Variants in SEPTIN10 observed in about 807,000 individuals in gnomAD.
SEPTIN10 encodes the protein septin-10.
SEPTIN10 carries 66 observed loss-of-function variants against 54.8 expected under a neutral mutation model. The observed-to-expected ratio is 1.21, with a 90% CI of 0.99 to 1.48. The LOEUF (loss-of-function observed/expected upper bound fraction) is 1.48, where lower values mean the gene tolerates loss of function less well. SEPTIN10 is among the 40% of genes most tolerant of loss of function. SEPTIN10 has a pLI of 0.00. For missense variants in SEPTIN10, 620 were observed against 545.6 expected (o/e 1.14, Z -1.36); for synonymous variants, 161 against 181.0 (o/e 0.89, Z 0.89).
chr2:109,594,492 G>A (rs1431953734), intron 1 of SEPTIN10, among the ~76,000 whole-genome samples: 1 of 151,974 alleles, frequency 6.6e-6, no homozygotes, highest in African/African-American at 2.4e-5. Context: ...AATCTCTCCT[G>A]GAGACTGTTT....
intron 1 of SEPTIN10, among the ~76,000 whole-genome samples, chr2:109,595,872 TGAG>T (rs1393870984): frequency 6.6e-6 from 1 of 152,102 alleles, no homozygotes; most frequent in African/African-American, 2.4e-5. Context: ...TTAGACACAA[TGAG>T]GAGGAGGGTA....
chr2:109,568,507 G>A (rs1687608917), intron 5 of SEPTIN10, among the ~76,000 whole-genome samples: 1 of 151,848 alleles, frequency 6.6e-6, no homozygotes. Context: ...AAGTAGCTGG[G>A]ATTACAGGCA....
chr2:109,613,670 G>A (rs962998480), intron 1 of SEPTIN10, 128 bp downstream of exon 1: 7 of 604,728 alleles, frequency 1.2e-5, no homozygotes, highest in Admixed American at 9.4e-5. Flanking sequence ...GGAGCACTGG[G>A]CGGGCGGGGC....
Position 109,562,906 on chromosome 2 carries a change from CA to C in SEPTIN10, c.1028+1459del, listed in dbSNP as rs373938620. On this transcript the variant is annotated intron_variant, in intron 8 of 10. Transcript: ENST00000397712. ...TTGGTGAGGGTGGGTTAAGTACACA[CA>C]ATGCTTTTTTTTTTTTTCTTTGAGA... 5.8e-3 allele frequency among the ~76,000 whole-genome samples: 869 copies of C among 150,878 alleles called. 11 individuals carry two copies. The highest frequency in any genetic ancestry group is 0.057 in the South Asian group (273 of 4,770).
At chr2:109,551,821 GA>G (rs1205602539) in intron 9 of SEPTIN10, among the ~76,000 whole-genome samples, 1 of 152,142 alleles carries the variant, frequency 6.6e-6, no homozygotes, top group Non-Finnish European at 1.5e-5. Flanking sequence ...GTATTTTCAA[GA>G]AAATAGCTTT....
intron 4 of SEPTIN10, among the ~76,000 whole-genome samples, chr2:109,577,932 AAAG>A (rs1690110254): frequency 2.6e-5 from 4 of 151,484 alleles, no homozygotes; most frequent in Admixed American, 2.0e-4. Flanking sequence ...AAAAAAAAAA[AAAG>A]AGTTAATATA....
At chr2:109,612,722 C>T (rs573331038) in intron 1 of SEPTIN10, among the ~76,000 whole-genome samples, 1 of 152,322 alleles carries the variant, frequency 6.6e-6, no homozygotes, top group Admixed American at 6.5e-5. Context: ...CTCACTCACA[C>T]ATGCACACAA....
At chr2:109,545,851 T>A (rs1158722235) in intron 10 of SEPTIN10, 199 bp downstream of exon 10, 1 of 1,440,536 alleles carries the variant, frequency 6.9e-7, no homozygotes, top group Non-Finnish European at 9.1e-7. Context: ...ACACATAACA[T>A]GTGCCAGGTG....
intron 4 of SEPTIN10, among the ~76,000 whole-genome samples, chr2:109,582,624 A>G (rs1691476936): frequency 6.6e-6 from 1 of 152,166 alleles, no homozygotes; most frequent in African/African-American, 2.4e-5. Context: ...ACTGGCCTCA[A>G]TGCTATTTCT....
At chr2:109,602,277 T>A (rs1206583976) in intron 1 of SEPTIN10, among the ~76,000 whole-genome samples, 1 of 151,792 alleles carries the variant, frequency 6.6e-6, no homozygotes, top group Non-Finnish European at 1.5e-5. Context: ...AGAAACTGCA[T>A]GAACAGAAAG....
At chr2:109,545,565 C>G in intron 10 of SEPTIN10, 1 of 1,535,498 alleles carries the variant, frequency 6.5e-7, no homozygotes. Context: ...AAAATTCTCA[C>G]AAAATCAGTA....
chr2:109,613,612 G>C (rs1013353242), intron 1 of SEPTIN10, 186 bp downstream of exon 1: 3 of 328,754 alleles, frequency 9.1e-6, no homozygotes, highest in African/African-American at 2.2e-5. Flanking sequence ...CCCAGGCTCC[G>C]CAGAGGCTCC....
Position 109,544,193 on chromosome 2 carries a change from G to A in SEPTIN10, c.*116C>T. ...TCCATAAATATCAGTAACTGTGGCT[G>A]TTCACCAAATATAGAAGTGATAAAA... On this transcript the variant is annotated 3_prime_UTR_variant, in exon 11 of 11. Coordinates refer to ENST00000397712, the MANE Select transcript of SEPTIN10 (RefSeq NM_144710.5). The A allele has an allele frequency of 6.2e-7, 1 of 1,602,010 alleles. No individual in the cohort carries two copies. The highest frequency in any genetic ancestry group is 1.1e-5 in the South Asian group (1 of 90,286).
intron 9 of SEPTIN10, among the ~76,000 whole-genome samples, chr2:109,547,432 G>A (rs1017515550): frequency 2.0e-5 from 3 of 149,960 alleles, no homozygotes; most frequent in African/African-American, 7.4e-5. Context: ...AACCTATAGG[G>A]GTTATTCTTC....
At chr2:109,597,206 G>A (rs979774279) in intron 1 of SEPTIN10, among the ~76,000 whole-genome samples, 1 of 152,200 alleles carries the variant, frequency 6.6e-6, no homozygotes, top group Non-Finnish European at 1.5e-5. Flanking sequence ...CTCCCAAAGT[G>A]ATAGGATTAT....
intron 8 of SEPTIN10, among the ~76,000 whole-genome samples, chr2:109,559,723 T>A (rs1685183694): frequency 6.6e-6 from 1 of 152,136 alleles, no homozygotes; most frequent in Non-Finnish European, 1.5e-5. Flanking sequence ...GATGGGAACA[T>A]GACCTACATC....
At chr2:109,545,646 T>TC in intron 10 of SEPTIN10, 2 of 1,501,964 alleles carry the variant, frequency 1.3e-6, no homozygotes, top group African/African-American at 1.4e-5. Flanking sequence ...TGTCTATAAT[T>TC]CCCCAACAAA....
Position 109,567,952 on chromosome 2 carries a change from T to G in SEPTIN10, c.625A>C (p.Lys209Gln), listed in dbSNP as rs896311797. 6.2e-7 allele frequency: 1 copy of G among 1,612,036 alleles called. No homozygotes were observed. The highest frequency in any genetic ancestry group is 8.5e-7 in the Non-Finnish European group (1 of 1,179,434). ...SKVNIIPVIA[K>Q]ADTVSKTELQ... ...TCAGTTTTAGAAACCGTATCTGCTT[T>G]GGCAATCACTGGTATAATGTTTACC... The change falls in exon 6 of 11, where the codon AAA (lysine) becomes CAA (glutamine). Residue 209 changes from lysine to glutamine, a missense_variant. Transcript: ENST00000397712.
At chr2:109,605,688 T>C (rs1454767970) in intron 1 of SEPTIN10, 1 of 152,098 alleles carries the variant, frequency 6.6e-6, no homozygotes, top group Admixed American at 6.5e-5. Context: ...CAAAACAAAA[T>C]TATTTTCTCC....
Sources: allele counts gnomAD v4.1 joint callset (sites outside exome capture counted in the v4.1 genomes callset), GRCh38; gene constraint gnomAD v4.1.1; transcripts MANE v1.5; gene names NCBI Gene and HGNC (gene_info 2026-07-23, HGNC 2026-07-21).